The following COL11A2 variants were observed in gnomAD, a reference collection of about 807,000 sequenced individuals.
COL11A2 encodes the protein collagen type XI alpha 2 chain, also known as collagen alpha-2(XI) chain.
In COL11A2, 116 loss-of-function variants were observed where a neutral mutation model predicts 273.4. The observed-to-expected ratio is 0.42, with a 90% CI of 0.36 to 0.49. The LOEUF is 0.49. Ranked by LOEUF, COL11A2 falls within the 20% of genes least tolerant of loss-of-function variation. The pLI is 0.00. For missense variants in COL11A2, 1,866 were observed against 2,309.0 expected (o/e 0.81, Z 3.93); for synonymous variants, 782 against 864.2 (o/e 0.90, Z 1.67).
chr6:33,184,296 G>GT lies in COL11A2; in HGVS notation c.967dup (p.Thr323AsnfsTer19), dbSNP rs774545390. The GT allele has an allele frequency of 7.3e-7, 1 of 1,367,640 alleles. No homozygotes were observed. Among genetic ancestry groups the GT allele is most frequent in the South Asian group, 1.1e-5 (1 of 88,058 alleles). The allele number at this position is 1,367,640 out of a possible 1,614,324, so 84.7% of individuals were successfully genotyped here. A position where few individuals can be genotyped will look rare whatever the true frequency, so the allele number is the denominator to read the frequency against. Reference sequence around the variant, plus strand: ...TTCCTCTGCCTGGAACCTGTCGGCTGTGGGGGGGACCTGGAGATCTGTCTG... The same window carrying GT: ...TTCCTCTGCCTGGAACCTGTCGGCTGTTGGGGGGGACCTGGAGATCTGTCTG... On this transcript the variant is annotated frameshift_variant, in exon 8 of 66. Coordinates refer to ENST00000341947, the MANE Select transcript of COL11A2 (RefSeq NM_080680.3). LOFTEE classifies it high-confidence loss of function.
chr6:33,177,790 G>A lies in COL11A2; in HGVS notation c.1873-84C>T. On this transcript the variant is annotated intron_variant, in intron 21 of 65. Coordinates refer to ENST00000341947, the MANE Select transcript of COL11A2 (RefSeq NM_080680.3). This position sits in a 1 kb window ranked among gnomAD's most constrained non-coding sequence, Gnocchi z 5.9. ...CAGAGGCCCGGCCATTCCCGAGGGT[G>A]TGACGGTCAGACCTCCAATCCATCC... is the stretch of plus-strand genomic sequence containing the variant. 1.4e-6 allele frequency: 2 copies of A among 1,471,454 alleles called. No homozygotes were observed. The highest frequency in any genetic ancestry group is 1.9e-6 in the Non-Finnish European group (2 of 1,058,494). 91.1% of individuals were successfully genotyped at this position (1,471,454 alleles called of 1,614,324 possible). A position where few individuals can be genotyped will look rare whatever the true frequency, so the allele number is the denominator to read the frequency against.
At chr6:33,181,914 A>T (rs1441131645) in intron 8 of COL11A2, among the ~76,000 whole-genome samples, 1 of 152,244 alleles carries the variant, frequency 6.6e-6, no homozygotes. Flanking sequence ...TCATAAAAGA[A>T]TCTCTCTAAG....
chr6:33,176,892 C>A lies in COL11A2; in HGVS notation c.2070+100G>T. On this transcript the variant is annotated intron_variant, in intron 25 of 65. Transcript: ENST00000341947. This position sits in a 1 kb window ranked among gnomAD's most constrained non-coding sequence, Gnocchi z 4.9. Reference sequence around the variant, plus strand: ...CCAACTGTCCATGGACAAGCACCACCAGTGACCTTTCAGTGCAAGGGTCAC... The same window carrying A: ...CCAACTGTCCATGGACAAGCACCACAAGTGACCTTTCAGTGCAAGGGTCAC... 1 of 1,530,598 alleles carries A rather than the reference C, an allele frequency of 6.5e-7. No individual in the cohort carries two copies. 94.8% of individuals were successfully genotyped at this position (1,530,598 alleles called of 1,614,324 possible). A position where few individuals can be genotyped will look rare whatever the true frequency, so the allele number is the denominator to read the frequency against.
Position 33,179,668 on chromosome 6 carries a change from C to A in COL11A2, c.1446+51G>T. 6.2e-7 allele frequency: 1 copy of A among 1,600,692 alleles called. No individual in the cohort carries two copies. The highest frequency in any genetic ancestry group is 8.5e-7 in the Non-Finnish European group (1 of 1,173,140). ...TGCCGCACACTCACTCCAGCCAACC[C>A]TTCCAGTGCCCCCCAGAGCCTTCCC... On this transcript the variant is annotated intron_variant, in intron 13 of 65. Coordinates refer to ENST00000341947, the MANE Select transcript of COL11A2 (RefSeq NM_080680.3). This position sits in a 1 kb window ranked among gnomAD's most constrained non-coding sequence, Gnocchi z 6.4.
At chr6:33,186,872 A>G in intron 4 of COL11A2, 54 bp from the exon 5 acceptor site, 2 of 1,610,078 alleles carry the variant, frequency 1.2e-6, no homozygotes. Context: ...GGCAGAGGGT[A>G]TCATCCGGGA....
Position 33,166,505 on chromosome 6 carries a change from G to A in COL11A2, c.4392+8C>T. The A allele has an allele frequency of 6.2e-7, 1 of 1,613,254 alleles. No individual in the cohort carries two copies. Among genetic ancestry groups the A allele is most frequent in the Non-Finnish European group, 8.5e-7 (1 of 1,179,512 alleles). Reference sequence around the variant, plus strand: ...GGGATTTTGTGGAGGAACAGAGGCAGTACTCACGGGGAGGCCGGGGGGACC... The same window carrying A: ...GGGATTTTGTGGAGGAACAGAGGCAATACTCACGGGGAGGCCGGGGGGACC... On this transcript the variant is annotated splice_region_variant and intron_variant, in intron 60 of 65. Transcript: ENST00000341947. This position sits in a 1 kb window ranked among gnomAD's most constrained non-coding sequence, Gnocchi z 4.8.
At chr6:33,185,115 C>A in intron 6 of COL11A2, 61 bp from the exon 7 acceptor site, 2 of 1,306,878 alleles carry the variant, frequency 1.5e-6, no homozygotes, top group Non-Finnish European at 2.2e-6. Flanking sequence ...GAAAGGTTAG[C>A]AGAAGGGAGG....
intron 1 of COL11A2, among the ~76,000 whole-genome samples, chr6:33,191,291 A>G (rs1773078527): frequency 6.6e-6 from 1 of 152,168 alleles, no homozygotes; most frequent in Non-Finnish European, 1.5e-5. Flanking sequence ...TTTTCTCTCT[A>G]AAGCAGAGAA....
rs759978540 is a variant in COL11A2 at position 33,184,363 on chromosome 6, G to T, written c.940-39C>A. 1.3e-5 allele frequency: 17 copies of T among 1,328,846 alleles called. No individual in the cohort carries two copies. In the South Asian group the frequency reaches 1.6e-4, roughly 13 times the overall value. The allele number at this position is 1,328,846 out of a possible 1,614,324, so 82.3% of individuals were successfully genotyped here. On this transcript the variant is annotated intron_variant, in intron 7 of 65. Transcript: ENST00000341947. ...GGGAGGGAGAGGGGTAGATGGGGAT[G>T]TTAGGGCTGAGAGGAGGCTTACCCT...
rs1769233963 is a variant in COL11A2, at chr6:33,166,899, A to T, written c.4231-72T>A. 1.3e-6 allele frequency: 2 copies of T among 1,552,206 alleles called. No individual in the cohort carries two copies. The highest frequency in any genetic ancestry group is 1.1e-5 in the South Asian group (1 of 87,796). ...TGGATGGGGGAGAAGGGCCAAGAGG[A>T]CATGGAGAGGGAGCCGGGCACAGGG... On this transcript the variant is annotated intron_variant, in intron 58 of 65. Transcript: ENST00000341947. The surrounding 1 kb of genome is among the most constrained non-coding windows in gnomAD (Gnocchi z 4.8).
chr6:33,168,662 T>A (rs374826987), intron 53 of COL11A2, 44 bp downstream of exon 53: 4 of 1,593,454 alleles, frequency 2.5e-6, no homozygotes, highest in Non-Finnish European at 2.6e-6. Flanking sequence ...GTAAAGAGGA[T>A]GAGGCTTGGG....
At position 33,178,652 on chromosome 6, in the gene COL11A2, A is replaced by G. The variant is rs767379730; in HGVS notation, c.1719+27T>C. 1.2e-6 allele frequency: 2 copies of G among 1,612,096 alleles called. No individual in the cohort carries two copies. Among genetic ancestry groups the G allele is most frequent in the African/African-American group, 2.7e-5 (2 of 74,840 alleles). On this transcript the variant is annotated intron_variant, in intron 18 of 65. Transcript: ENST00000341947. This position sits in a 1 kb window ranked among gnomAD's most constrained non-coding sequence, Gnocchi z 4.6. Reference sequence around the variant, plus strand: ...TCCCATAGAAGATCTATCCCCAATTACAACACACACCCACTAATGTACTCA... The same window carrying G: ...TCCCATAGAAGATCTATCCCCAATTGCAACACACACCCACTAATGTACTCA...
intron 3 of COL11A2, 143 bp downstream of exon 3, chr6:33,188,835 A>G (rs1477051628): frequency 4.1e-5 from 41 of 995,342 alleles, no homozygotes; most frequent in Non-Finnish European, 6.3e-5. Flanking sequence ...ACTCTGGACT[A>G]GAAGTGACTG....
chr6:33,165,687 C>T lies in COL11A2; in HGVS notation c.4612G>A (p.Gly1538Arg), dbSNP rs745996561. Residue 1538 changes from glycine (G) to arginine (R), a missense_variant, in exon 63 of 66, where the codon GGG becomes AGG. Physicochemically the swap from Gly to Arg is moderately radical, Grantham distance 125. Transcript: ENST00000341947. This position sits in a 1 kb window ranked among gnomAD's most constrained non-coding sequence, Gnocchi z 7.7. Reference protein sequence around the residue: ...IPTGGAPGSPGGLEEIFGSLD... With the variant: ...IPTGGAPGSPRGLEEIFGSLD... ...GAGCCAAAGATCTCCTCCAGCCCCC[C>T]AGGACTGCCGGGGGCTCCCCCGGTC... 1.2e-5 allele frequency: 20 copies of T among 1,611,474 alleles called. No individual in the cohort carries two copies. The highest frequency in any genetic ancestry group is 1.1e-5 in the Non-Finnish European group (13 of 1,179,984).
Position 33,163,558 on chromosome 6 carries a change from ACGCCCTGGCC to A in COL11A2, c.*110_*119del. 6.6e-7 allele frequency: 1 copy of A among 1,526,046 alleles called. No individual in the cohort carries two copies. The highest frequency in any genetic ancestry group is 1.1e-5 in the South Asian group (1 of 88,912). The allele number at this position is 1,526,046 out of a possible 1,614,324, so 94.5% of individuals were successfully genotyped here. A position where few individuals can be genotyped will look rare whatever the true frequency, so the allele number is the denominator to read the frequency against. On this transcript the variant is annotated 3_prime_UTR_variant, in exon 66 of 66. Transcript: ENST00000341947. The surrounding 1 kb of genome is among the most constrained non-coding windows in gnomAD (Gnocchi z 4.1). ...GGCCTGCCCCGACTGAGGGCTCTCC[ACGCCCTGGCC>A]CAGGGCTCCCTAGATAGTGAGGAGC...
intron 4 of COL11A2, among the ~76,000 whole-genome samples, chr6:33,187,607 C>T (rs1020320660): frequency 6.6e-6 from 1 of 151,756 alleles, no homozygotes; most frequent in Non-Finnish European, 1.5e-5. Flanking sequence ...AATAAATGTA[C>T]GTATGGGAGG....
At position 33,185,044 on chromosome 6, in the gene COL11A2, G is replaced by A. The variant is rs1417738466; in HGVS notation, c.887C>T (p.Pro296Leu). The change falls in exon 7 of 66, where the codon CCA becomes CTA. Residue 296 changes from proline (P) to leucine (L), a missense_variant. By Grantham distance (98) the Pro-to-Leu change is moderately conservative. Transcript: ENST00000341947. Reference sequence around the variant, plus strand: ...CTCCAGGATTTCTTCCTCTTCACCTGGGGTGGGGTCCTGACCCCAAGGAGA... The same window carrying A: ...CTCCAGGATTTCTTCCTCTTCACCTAGGGTGGGGTCCTGACCCCAAGGAGA... ...GTTPDYQDPT[P>L]GEEEEILESS... is the part of the protein sequence containing the mutation. 6.4e-7 allele frequency: 1 copy of A among 1,551,234 alleles called. No homozygotes were observed. Among genetic ancestry groups the A allele is most frequent in the Non-Finnish European group, 8.7e-7 (1 of 1,146,638 alleles).
rs1422408346 is a variant in COL11A2, at chr6:33,163,087, G to A, written c.*591C>T. 1 of 156,900 alleles carries A rather than the reference G, an allele frequency of 6.4e-6. No individual in the cohort carries two copies. The highest frequency in any genetic ancestry group is 1.4e-5 in the Non-Finnish European group (1 of 70,100). The allele number at this position is 156,900 out of a possible 1,614,324, so 9.7% of individuals were successfully genotyped here. On this transcript the variant is annotated 3_prime_UTR_variant, in exon 66 of 66. Coordinates refer to ENST00000341947, the MANE Select transcript of COL11A2 (RefSeq NM_080680.3). This position sits in a 1 kb window ranked among gnomAD's most constrained non-coding sequence, Gnocchi z 4.1. ...TGGGTTAGAGAGCCCCACCCTGGCAGAGTCAGAGCCCTGAGGCCAGGGAGA... is the reference window on the plus strand; with the variant it reads ...TGGGTTAGAGAGCCCCACCCTGGCAAAGTCAGAGCCCTGAGGCCAGGGAGA...
At position 33,176,520 on chromosome 6, in the gene COL11A2, C is replaced by T. The variant is rs74591914; in HGVS notation, c.2116-34G>A. ...TAAAAGAGAGGCATTTATAAAGGGGCCTCAGAGTGTCACTGTGGGGGCCTC... is the reference window on the plus strand; with the variant it reads ...TAAAAGAGAGGCATTTATAAAGGGGTCTCAGAGTGTCACTGTGGGGGCCTC... On this transcript the variant is annotated intron_variant, in intron 26 of 65. Coordinates refer to ENST00000341947, the MANE Select transcript of COL11A2 (RefSeq NM_080680.3). This position sits in a 1 kb window ranked among gnomAD's most constrained non-coding sequence, Gnocchi z 4.9. 1,223 of 1,592,294 alleles carry T rather than the reference C, an allele frequency of 7.7e-4. 29 individuals carry two copies. The East Asian group carries it at 0.025, about 33-fold the overall frequency.
Sources: gnomAD v4.1 joint callset for allele counts (sites outside exome capture counted in the v4.1 genomes callset) on GRCh38, gnomAD v4.1.1 for gene constraint, Gnocchi (gnomAD v3.1) non-coding constraint, MANE v1.5 for transcripts, NCBI Gene and HGNC (gene_info 2026-07-23, HGNC 2026-07-21) for gene names.